Variants in CEP83 observed in about 807,000 individuals in gnomAD.
CEP83 encodes the protein centrosomal protein 83.
A neutral mutation model predicts 101.9 loss-of-function variants in CEP83; 70 were observed. The observed-to-expected ratio is 0.69, with a 90% CI of 0.57 to 0.84. The LOEUF (loss-of-function observed/expected upper bound fraction) is 0.84. Among genes scored for constraint, CEP83 ranks in the 40% least tolerant of loss-of-function variants. The probability of loss-of-function intolerance (pLI) is 0.00; values close to 1 mark genes in which losing one functional copy is unlikely to be tolerated. For synonymous variants in CEP83, 264 were observed against 267.9 expected (o/e 0.99, Z 0.14); for missense variants, 715 against 787.2 (o/e 0.91, Z 1.10).
chr12:94,327,155 G>A (rs2059004670), intron 14 of CEP83, among the ~76,000 whole-genome samples: 1 of 152,106 alleles, frequency 6.6e-6, no homozygotes, highest in Admixed American at 6.5e-5. Context: ...CACAATCACA[G>A]GATAGTCAAA....
intron 12 of CEP83, among the ~76,000 whole-genome samples, chr12:94,335,274 C>T (rs3915258): frequency 1.3e-5 from 2 of 151,964 alleles, no homozygotes; most frequent in Non-Finnish European, 2.9e-5. Flanking sequence ...GATGATATTT[C>T]TATTGAGTTT....
At chr12:94,424,807 G>A in intron 2 of CEP83, 3 of 1,605,936 alleles carry the variant, frequency 1.9e-6, no homozygotes, top group Non-Finnish European at 2.6e-6. Flanking sequence ...GGTTGGTTTT[G>A]CTCAGCTGGT....
At chr12:94,334,733 C>T (rs118151017) in intron 12 of CEP83, among the ~76,000 whole-genome samples, 7,230 of 152,142 alleles carry the variant, frequency 0.048, 219 homozygotes, top group Non-Finnish European at 0.072. Context: ...TAAAACTAAA[C>T]GGTATGTCTC....
At chr12:94,311,095 A>G (rs1030639847) in intron 15 of CEP83, among the ~76,000 whole-genome samples, 7 of 152,156 alleles carry the variant, frequency 4.6e-5, no homozygotes, top group Admixed American at 3.3e-4. Context: ...TTGATCACCA[A>G]TGGCCAATGA....
chr12:94,457,313 T>C (rs1228632773), intron 1 of CEP83, among the ~76,000 whole-genome samples: 1 of 152,182 alleles, frequency 6.6e-6, no homozygotes, highest in African/African-American at 2.4e-5. Context: ...TAAAAGCACA[T>C]AGGTTAAACA....
the CEP83 span, among the ~76,000 whole-genome samples, chr12:94,275,146 C>A: frequency 6.6e-6 from 1 of 152,176 alleles, no homozygotes; most frequent in South Asian, 2.1e-4. Flanking sequence ...CACTGTCCTC[C>A]CTACTCAGAA....
At chr12:94,415,587 C>T (rs1405010811) in intron 2 of CEP83, among the ~76,000 whole-genome samples, 1 of 151,710 alleles carries the variant, frequency 6.6e-6, no homozygotes, top group Non-Finnish European at 1.5e-5. Context: ...GGCAAAAAAC[C>T]CCCACTATTT....
At chr12:94,430,901 G>A (rs981021588) in intron 2 of CEP83, among the ~76,000 whole-genome samples, 6 of 152,136 alleles carry the variant, frequency 3.9e-5, no homozygotes, top group African/African-American at 1.4e-4. Flanking sequence ...TAGACTGAAA[G>A]TAAAGGGATG....
intron 8 of CEP83, among the ~76,000 whole-genome samples, chr12:94,370,306 CA>C (rs1202273926): frequency 6.6e-6 from 1 of 152,178 alleles, no homozygotes; most frequent in Admixed American, 6.5e-5. Flanking sequence ...GACTTAATTA[CA>C]AGTATCTAAA....
intron 14 of CEP83, among the ~76,000 whole-genome samples, chr12:94,318,289 C>T (rs1164905288): frequency 1.3e-5 from 2 of 152,116 alleles, no homozygotes; most frequent in African/African-American, 4.8e-5. Context: ...CTAAAGTTAT[C>T]AGCTGAAGGA....
the CEP83 span, among the ~76,000 whole-genome samples, chr12:94,296,193 C>T: frequency 2.0e-5 from 3 of 152,238 alleles, no homozygotes; most frequent in South Asian, 4.2e-4. Context: ...GACAGTGTCT[C>T]GCTGTCACCC....
chr12:94,414,504 T>A (rs972333043), intron 2 of CEP83, among the ~76,000 whole-genome samples: 1 of 152,222 alleles, frequency 6.6e-6, no homozygotes, highest in Admixed American at 6.5e-5. Context: ...GCTCAGGTGA[T>A]CAATAGCATT....
chr12:94,367,733 A>G, intron 11 of CEP83, 61 bp downstream of exon 11: 1 of 1,262,196 alleles, frequency 7.9e-7, no homozygotes, highest in Non-Finnish European at 1.1e-6. Flanking sequence ...GTTGTACATC[A>G]TTTTGTTAAC....
chr12:94,290,074 G>C, the CEP83 span, among the ~76,000 whole-genome samples: 1 of 152,158 alleles, frequency 6.6e-6, no homozygotes, highest in African/African-American at 2.4e-5. Context: ...ATAGAGTAAG[G>C]GTGCTCGCTT....
chr12:94,279,630 G>A, the CEP83 span: 1 of 1,614,234 alleles, frequency 6.2e-7, no homozygotes, highest in South Asian at 1.1e-5. Flanking sequence ...ATGGACTTCA[G>A]CTTAATGAAA....
intron 11 of CEP83, among the ~76,000 whole-genome samples, chr12:94,348,761 G>A (rs11615536): frequency 0.018 from 2,684 of 152,218 alleles, 40 homozygotes; most frequent in Non-Finnish European, 0.029. Context: ...TGCAATGCCC[G>A]CAGCCGGCAC....
rs1969300151 is a variant in CEP83 at position 94,308,397 on chromosome 12, C to G, written c.*416G>C. 6.6e-6 allele frequency: 1 copy of G among 152,484 alleles called. No homozygotes were observed. Among genetic ancestry groups the G allele is most frequent in the African/African-American group, 2.4e-5 (1 of 41,336 alleles). The allele number at this position is 152,484 out of a possible 1,614,324, so 9.4% of individuals were successfully genotyped here. Reference sequence around the variant, plus strand: ...CTTTTAAATTGTCATCTTTTTTCAACTACAGTTTTTGTATATAGTAAACCA... The same window carrying G: ...CTTTTAAATTGTCATCTTTTTTCAAGTACAGTTTTTGTATATAGTAAACCA... On this transcript the variant is annotated 3_prime_UTR_variant, in exon 17 of 17. Transcript: ENST00000397809.
At chr12:94,303,749 T>TCCC (rs67648319), downstream of CEP83, 721 of 1,344,628 alleles carry the variant, frequency 5.4e-4, 3 homozygotes, top group African/African-American at 9.9e-3. Context: ...TTTTTTTTTT[T>TCCC]CCCCAGGAAG....
chr12:94,426,785 T>C (rs1229746166), intron 2 of CEP83, among the ~76,000 whole-genome samples: 1 of 151,780 alleles, frequency 6.6e-6, no homozygotes, highest in Non-Finnish European at 1.5e-5. Flanking sequence ...AGAGGGAGTT[T>C]GAGACTGAAG....
Sources: allele counts gnomAD v4.1 joint callset (sites outside exome capture counted in the v4.1 genomes callset), GRCh38; gene constraint gnomAD v4.1.1; transcripts MANE v1.5; gene names NCBI Gene and HGNC (gene_info 2026-07-23, HGNC 2026-07-21).